RRP12: variants seen among roughly 807,000 people sequenced by gnomAD.
The protein encoded by RRP12 is ribosomal RNA processing 12 homolog.
In RRP12, 78 loss-of-function variants were observed where a neutral mutation model predicts 157.3. The observed-to-expected ratio is 0.50, with a 90% CI of 0.41 to 0.60. The LOEUF (loss-of-function observed/expected upper bound fraction) is 0.60. RRP12 is among the 20% of genes least tolerant of loss of function. The pLI, the probability that RRP12 is intolerant of heterozygous loss-of-function variation, is 0.00. For synonymous variants in RRP12, 726 were observed against 670.9 expected (o/e 1.08, Z -1.27); for missense variants, 1,521 against 1,679.9 (o/e 0.91, Z 1.65).
intron 4 of RRP12, chr10:97,393,238 A>AT: frequency 2.2e-6 from 1 of 453,376 alleles, no homozygotes; most frequent in Non-Finnish European, 4.4e-6. Context: ...TTTCACAATG[A>AT]TTTTCTGCTC....
At chr10:97,372,515 C>T (rs1371742808) in intron 19 of RRP12, among the ~76,000 whole-genome samples, 1 of 152,170 alleles carries the variant, frequency 6.6e-6, no homozygotes, top group Non-Finnish European at 1.5e-5. Context: ...GGATCAGAAC[C>T]TGGGCAGTGT....
intron 30 of RRP12, among the ~76,000 whole-genome samples, chr10:97,362,958 C>T (rs569855053): frequency 7.9e-5 from 12 of 152,306 alleles, no homozygotes; most frequent in East Asian, 7.7e-4. Context: ...GCACTTTACA[C>T]GCCCAATCTT....
At chr10:97,394,316 C>T (rs1192757269) in intron 3 of RRP12, among the ~76,000 whole-genome samples, 1 of 152,080 alleles carries the variant, frequency 6.6e-6, no homozygotes, top group Non-Finnish European at 1.5e-5. Context: ...GCACTCCAGT[C>T]TGGGTGACAG....
chr10:97,393,471 C>T (rs1224242103), intron 4 of RRP12: 5 of 689,562 alleles, frequency 7.3e-6, no homozygotes, highest in African/African-American at 1.8e-5. Flanking sequence ...ATTCTATTAC[C>T]AGGGGTTCAG....
At chr10:97,378,989 G>C (rs368277484) in intron 15 of RRP12, among the ~76,000 whole-genome samples, 35 of 152,246 alleles carry the variant, frequency 2.3e-4, no homozygotes, top group Middle Eastern at 6.8e-3. Flanking sequence ...AGGAAGAAGG[G>C]GCACAGCTGT....
chr10:97,398,039 A>ATATTTTTTTTTTTT (rs1436494245), intron 2 of RRP12, among the ~76,000 whole-genome samples: 1 of 56,028 alleles, frequency 1.8e-5, no homozygotes, highest in Admixed American at 2.2e-4. Flanking sequence ...ATATATACGT[A>ATATTTTTTTTTTTT]TTTTTTTTTT....
intron 12 of RRP12, 119 bp from the exon 13 acceptor site, chr10:97,381,032 C>A: frequency 2.8e-6 from 2 of 710,886 alleles, no homozygotes. Flanking sequence ...GAATGGGGCC[C>A]CAGGAGAGAC....
intron 13 of RRP12, among the ~76,000 whole-genome samples, chr10:97,380,291 G>A (rs923754532): frequency 1.3e-5 from 2 of 152,130 alleles, no homozygotes; most frequent in African/African-American, 2.4e-5. Context: ...AAGGCCCCAC[G>A]AGGCCAGGAG....
At position 97,379,624 on chromosome 10, in the gene RRP12, T is replaced by G; in HGVS notation, c.1676+4A>C. The stretch of plus-strand genomic sequence containing the variant: ...GTCAGGAAGCCAGCCAGGGCCACAC[T>G]TACTCAGAGCCATCAATTTCCAAAG... On this transcript the variant is annotated splice_donor_region_variant and intron_variant, in intron 14 of 33. Transcript: ENST00000370992. 1 of 1,613,680 alleles carries G rather than the reference T, an allele frequency of 6.2e-7. No homozygotes were observed.
At position 97,371,004 on chromosome 10, in the gene RRP12, G is replaced by C. The variant is rs1348840437; in HGVS notation, c.2421C>G (p.Ala807=). 2 of 1,613,910 alleles carry C rather than the reference G, an allele frequency of 1.2e-6. No individual in the cohort carries two copies. The highest frequency in any genetic ancestry group is 2.2e-5 in the East Asian group (1 of 44,860). ...EVCASPQGPG[A]LFVQSHLEDL... ...CCTCCAGGTGGCTCTGCACGAAGAG[G>C]GCCCCGGGGCCCTGAGGACTGGCAC... Residue 807 remains alanine, a synonymous_variant, in exon 21 of 34, where the codon GCC becomes GCG. Transcript: ENST00000370992.
chr10:97,400,289 C>A lies in RRP12; in HGVS notation c.369+16G>T. 3.1e-6 allele frequency: 5 copies of A among 1,604,230 alleles called. No individual in the cohort carries two copies. Among genetic ancestry groups the A allele is most frequent in the Non-Finnish European group, 4.3e-6 (5 of 1,171,392 alleles). On this transcript the variant is annotated intron_variant, in intron 2 of 33. Transcript: ENST00000370992. ...TCTCCTCACTATCCTATGGCCCTCCCGACCCTCGCCCCTACCTCCTTGTGG... is the reference window on the plus strand; with the variant it reads ...TCTCCTCACTATCCTATGGCCCTCCAGACCCTCGCCCCTACCTCCTTGTGG...
At position 97,363,874 on chromosome 10, in the gene RRP12, C is replaced by T; in HGVS notation, c.3547G>A (p.Glu1183Lys). 6.2e-7 allele frequency: 1 copy of T among 1,614,130 alleles called. No homozygotes were observed. Among genetic ancestry groups the T allele is most frequent in the Non-Finnish European group, 8.5e-7 (1 of 1,179,980 alleles). Residue 1183 changes from glutamate to lysine, a missense_variant, in exon 30 of 34, where the codon GAA becomes AAA. Coordinates refer to ENST00000370992, the MANE Select transcript of RRP12 (RefSeq NM_015179.4). The stretch of plus-strand genomic sequence containing the variant: ...CTCACATTCCTGATGATCACATCTT[C>T]CATTGGGTCAGCCATCTCTTCATCT... ...GEDEEMADPMEDVIIRNKKHQ... is the reference protein window; with the variant it reads ...GEDEEMADPMKDVIIRNKKHQ...
rs114193021 is a variant in RRP12 at position 97,384,068 on chromosome 10, C to T, written c.1208+1098G>A. Among the ~76,000 whole-genome samples the T allele has an allele frequency of 8.0e-3, 1,163 of 144,568 alleles. 16 individuals carry two copies. Among genetic ancestry groups the T allele is most frequent in the African/African-American group, 0.028 (1,080 of 38,796 alleles). The allele number at this position is 144,568 out of a possible 152,430, so 94.8% of individuals were successfully genotyped here. On this transcript the variant is annotated intron_variant, in intron 10 of 33. Coordinates refer to ENST00000370992, the MANE Select transcript of RRP12 (RefSeq NM_015179.4). ...GCCTCTCCAGTCTCCGGCTCACGTC[C>T]CCTCCACCTCCGGCAGCCAGGACGG...
At chr10:97,372,911 C>G in intron 18 of RRP12, 108 bp from the exon 19 acceptor site, 1 of 1,444,610 alleles carries the variant, frequency 6.9e-7, no homozygotes, top group East Asian at 2.5e-5. Context: ...CCAGCCCTGC[C>G]CAAGCCATGA....
chr10:97,366,340 G>T, intron 28 of RRP12, 106 bp downstream of exon 28: 1 of 1,565,962 alleles, frequency 6.4e-7, no homozygotes, highest in Non-Finnish European at 8.6e-7. Flanking sequence ...GCGCCTCTCA[G>T]CCCTGTCCAT....
rs72838765 is a variant in RRP12 at position 97,383,540 on chromosome 10, C to A, written c.1208+1626G>T. Among the ~76,000 whole-genome samples, 1,310 of 152,346 alleles carry A rather than the reference C, an allele frequency of 8.6e-3. 6 individuals carry two copies. The highest frequency in any genetic ancestry group is 0.012 in the South Asian group (56 of 4,830). On this transcript the variant is annotated intron_variant, in intron 10 of 33. Transcript: ENST00000370992. ...TGGAACCCTTAGCTGAGAAGACAAACCCAGCAAAAGAGAGCCACGAGGTCT... is the reference window on the plus strand; with the variant it reads ...TGGAACCCTTAGCTGAGAAGACAAAACCAGCAAAAGAGAGCCACGAGGTCT...
At position 97,379,615 on chromosome 10, in the gene RRP12, G is replaced by C. The variant is rs1284462229; in HGVS notation, c.1676+13C>G. On this transcript the variant is annotated intron_variant, in intron 14 of 33. Transcript: ENST00000370992. ...CTGGGGCTTGTCAGGAAGCCAGCCAGGGCCACACTTACTCAGAGCCATCAA... is the reference window on the plus strand; with the variant it reads ...CTGGGGCTTGTCAGGAAGCCAGCCACGGCCACACTTACTCAGAGCCATCAA... The C allele has an allele frequency of 1.2e-6, 2 of 1,613,182 alleles. No homozygotes were observed. Among genetic ancestry groups the C allele is most frequent in the South Asian group, 1.1e-5 (1 of 90,950 alleles).
Position 97,366,952 on chromosome 10 carries a change from C to CA in RRP12, c.3048-44dup, listed in dbSNP as rs748044446. On this transcript the variant is annotated intron_variant, in intron 26 of 33. Transcript: ENST00000370992. Reference sequence around the variant, plus strand: ...GGGCTGGTGAGAGGCACTGGCCAGACAGCACGACCCAGATGTAGTGTCCCT... The same window carrying CA: ...GGGCTGGTGAGAGGCACTGGCCAGACAAGCACGACCCAGATGTAGTGTCCCT... 1.5e-4 allele frequency: 243 copies of CA among 1,609,388 alleles called. 3 individuals carry two copies. Among genetic ancestry groups the CA allele is most frequent in the Admixed American group, 1.4e-3 (81 of 59,874 alleles).
intron 25 of RRP12, 55 bp from the exon 26 acceptor site, chr10:97,367,187 C>T: frequency 1.4e-6 from 2 of 1,468,650 alleles, no homozygotes; most frequent in Non-Finnish European, 1.9e-6. Context: ...GCTGCGCCCC[C>T]TTTACTGCTG....
Sources: allele counts gnomAD v4.1 joint callset (sites outside exome capture counted in the v4.1 genomes callset), GRCh38; gene constraint gnomAD v4.1.1; transcripts MANE v1.5; gene names NCBI Gene and HGNC (gene_info 2026-07-23, HGNC 2026-07-21).